Variants in PDE7B observed in about 807,000 individuals in gnomAD.
The protein encoded by PDE7B is phosphodiesterase 7B.
Under a neutral mutation model 56.2 loss-of-function variants are expected in PDE7B, and 29 were observed. That is an observed-to-expected ratio of 0.52 (90% CI 0.38 to 0.70). PDE7B has a LOEUF of 0.70. PDE7B is among the 30% of genes least tolerant of loss of function. PDE7B has a pLI of 0.00. For synonymous variants in PDE7B, 197 were observed against 196.9 expected, an observed-to-expected ratio of 1.00 and a Z score of 0.00; for missense variants, 490 against 565.0, an observed-to-expected ratio of 0.87 and a Z score of 1.35.
intron 1 of PDE7B, among the ~76,000 whole-genome samples, chr6:135,913,360 C>A (rs956537281): frequency 5.3e-5 from 8 of 152,154 alleles, no homozygotes; most frequent in Non-Finnish European, 1.2e-4. Flanking sequence ...TGCCACCTCA[C>A]CTGCTTGCTA....
chr6:135,866,585 A>G lies in PDE7B; in HGVS notation c.21+14566A>G, dbSNP rs1775265530. On this transcript the variant is annotated intron_variant, in intron 1 of 12. Coordinates refer to ENST00000308191, the MANE Select transcript of PDE7B (RefSeq NM_018945.4). ...ATCAGTAGCTCACATTTTCCATCAA[A>G]TATATTTGGCATACTACACTATTGA... is the stretch of plus-strand genomic sequence containing the variant. Among the ~76,000 whole-genome samples the G allele has an allele frequency of 2.6e-5, 4 of 152,232 alleles. No homozygotes were observed. In the South Asian group the frequency reaches 8.3e-4, roughly 32 times the overall value.
At chr6:136,139,549 A>C (rs1000122515) in intron 3 of PDE7B, among the ~76,000 whole-genome samples, 2 of 152,128 alleles carry the variant, frequency 1.3e-5, no homozygotes, top group African/African-American at 4.8e-5. Context: ...CGCCACACTG[A>C]CTTCCACAAT....
intron 2 of PDE7B, among the ~76,000 whole-genome samples, chr6:135,972,233 CAAAAAAAAAAAA>C (rs72005772): frequency 2.9e-4 from 19 of 65,192 alleles, no homozygotes; most frequent in African/African-American, 1.1e-3. Flanking sequence ...AAACTGTTCT[CAAAAAAAAAAAA>C]AAAAAAAAAA....
intron 2 of PDE7B, among the ~76,000 whole-genome samples, chr6:136,004,564 C>A (rs1471472879): frequency 6.6e-6 from 1 of 151,692 alleles, no homozygotes; most frequent in Admixed American, 6.6e-5. Flanking sequence ...CAATAACAGA[C>A]AAACAGAGAG....
intron 2 of PDE7B, among the ~76,000 whole-genome samples, chr6:136,069,016 C>T (rs1006199421): frequency 6.6e-6 from 1 of 152,108 alleles, no homozygotes; most frequent in African/African-American, 2.4e-5. Context: ...CAGTGCTGGT[C>T]ACCTGTGCCT....
At chr6:135,924,513 C>T (rs1158277647) in intron 1 of PDE7B, among the ~76,000 whole-genome samples, 1 of 151,694 alleles carries the variant, frequency 6.6e-6, no homozygotes, top group Non-Finnish European at 1.5e-5. Flanking sequence ...TATCTGAAAC[C>T]AAACTCAGGT....
At chr6:136,133,847 G>A (rs561773570) in intron 3 of PDE7B, among the ~76,000 whole-genome samples, 102 of 152,248 alleles carry the variant, frequency 6.7e-4, no homozygotes, top group Middle Eastern at 3.4e-3. Context: ...TCAACAGGTG[G>A]GGAGAATATT....
intron 2 of PDE7B, among the ~76,000 whole-genome samples, chr6:136,101,236 G>T (rs980556562): frequency 6.6e-6 from 1 of 152,076 alleles, no homozygotes; most frequent in Non-Finnish European, 1.5e-5. Flanking sequence ...TTTTTTTGTT[G>T]TGTCTCTGCC....
At chr6:135,928,488 T>A (rs1774235797) in intron 1 of PDE7B, among the ~76,000 whole-genome samples, 1 of 72,130 alleles carries the variant, frequency 1.4e-5, no homozygotes, top group African/African-American at 4.8e-5. Flanking sequence ...TATATTTATT[T>A]ATATATATAT....
chr6:136,089,079 C>T (rs1777340554), intron 2 of PDE7B, among the ~76,000 whole-genome samples: 2 of 151,966 alleles, frequency 1.3e-5, no homozygotes, highest in Non-Finnish European at 1.5e-5. Flanking sequence ...CTTCAGAGAA[C>T]TTCAGTACCT....
chr6:136,049,386 G>A (rs1190231889), intron 2 of PDE7B: 4 of 152,066 alleles, frequency 2.6e-5, no homozygotes, highest in African/African-American at 9.7e-5. Context: ...ACAGTTGTGA[G>A]CCACCACACT....
At chr6:136,117,518 T>G (rs1391552695) in intron 3 of PDE7B, among the ~76,000 whole-genome samples, 11 of 152,328 alleles carry the variant, frequency 7.2e-5, no homozygotes, top group Non-Finnish European at 1.5e-5. Context: ...CAAAAAGACC[T>G]TTTTTTCTTT....
chr6:136,008,927 G>A lies in PDE7B; in HGVS notation c.82+61403G>A, dbSNP rs1465767184. On this transcript the variant is annotated intron_variant, in intron 2 of 12. Transcript: ENST00000308191. ...CCTTGCCCATGCCTATGCCCTTAAT[G>A]GTATTGCCTAGGTTTTCTTCTAGGG... Among the ~76,000 whole-genome samples, 10 of 152,212 alleles carry A rather than the reference G, an allele frequency of 6.6e-5. No homozygotes were observed. The South Asian group carries it at 1.2e-3, about 19-fold the overall frequency.
chr6:135,998,010 T>C (rs558547364), intron 2 of PDE7B, among the ~76,000 whole-genome samples: 1 of 152,336 alleles, frequency 6.6e-6, no homozygotes, highest in Non-Finnish European at 1.5e-5. Context: ...TCTACCACTG[T>C]AAATTTTACG....
chr6:135,926,085 T>TTGGGGGG (rs1774178124), intron 1 of PDE7B, among the ~76,000 whole-genome samples: 1 of 16,158 alleles, frequency 6.2e-5, no homozygotes, highest in African/African-American at 1.2e-4. Context: ...TTCTTTTTTT[T>TTGGGGGG]GGGGGGGGGG....
chr6:135,923,853 T>A (rs1235814890), intron 1 of PDE7B, among the ~76,000 whole-genome samples: 1 of 152,148 alleles, frequency 6.6e-6, no homozygotes, highest in African/African-American at 2.4e-5. Context: ...TATGAAACAA[T>A]TACTATTACC....
chr6:136,052,179 G>A (rs536383234), intron 2 of PDE7B, among the ~76,000 whole-genome samples: 1 of 152,274 alleles, frequency 6.6e-6, no homozygotes, highest in African/African-American at 2.4e-5. Flanking sequence ...CTGTCAGGAT[G>A]AGAGATAAAG....
Position 136,112,856 on chromosome 6 carries a change from T to C in PDE7B, c.166+4042T>C, listed in dbSNP as rs117782637. Among the ~76,000 whole-genome samples the C allele has an allele frequency of 2.2e-4, 33 of 152,308 alleles. No individual in the cohort carries two copies. In the East Asian group the frequency reaches 4.2e-3, roughly 20 times the overall value. ...GGGAAACACAGTACTACCAATTTCA[T>C]GTACCTGTTTTCTGCATATAAGGTG... is the stretch of plus-strand genomic sequence containing the variant. On this transcript the variant is annotated intron_variant, in intron 3 of 12. Transcript: ENST00000308191.
intron 1 of PDE7B, among the ~76,000 whole-genome samples, chr6:135,944,385 A>G (rs1182127592): frequency 1.3e-5 from 2 of 152,124 alleles, no homozygotes; most frequent in African/African-American, 4.8e-5. Flanking sequence ...CAACAGGAAA[A>G]AGCACTAGAA....
Sources: gnomAD v4.1 joint callset for allele counts (sites outside exome capture counted in the v4.1 genomes callset) on GRCh38, gnomAD v4.1.1 for gene constraint, MANE v1.5 for transcripts, NCBI Gene and HGNC (gene_info 2026-07-23, HGNC 2026-07-21) for gene names.